Variants in PRKCA observed in about 807,000 individuals in gnomAD.
PRKCA encodes the protein protein kinase C alpha type.
A neutral mutation model predicts 87.0 loss-of-function variants in PRKCA; 27 were observed. The observed-to-expected ratio is 0.31, with a 90% CI of 0.23 to 0.43. The LOEUF is 0.43. Ranked by LOEUF, PRKCA falls within the 20% of genes least tolerant of loss-of-function variation. PRKCA has a pLI of 1.00. For missense variants in PRKCA, 518 were observed against 852.3 expected (o/e 0.61, Z 4.88); for synonymous variants, 329 against 311.1 (o/e 1.06, Z -0.61).
At chr17:66,777,232 C>T (rs754738442) in intron 14 of PRKCA, 5 of 985,398 alleles carry the variant, frequency 5.1e-6, no homozygotes, top group Middle Eastern at 5.2e-4. Flanking sequence ...TCCAGATCAG[C>T]GGCTTTGCCT....
intron 13 of PRKCA, among the ~76,000 whole-genome samples, chr17:66,772,547 T>C (rs1974958923): frequency 6.6e-6 from 1 of 151,874 alleles, no homozygotes; most frequent in Non-Finnish European, 1.5e-5. Flanking sequence ...GTAAGCGAAA[T>C]GGCAGAATGG....
rs565985575 is a variant in PRKCA at position 66,305,470 on chromosome 17, T to C, written c.174-626T>C. On this transcript the variant is annotated intron_variant, in intron 1 of 16. Coordinates refer to ENST00000413366, the MANE Select transcript of PRKCA (RefSeq NM_002737.3). ...TTACAGAGTAAATTCTCTAAAGTCA[T>C]GTACAAGAACAAAATAGCCTCCCTA... 4.6e-5 allele frequency among the ~76,000 whole-genome samples: 7 copies of C among 152,320 alleles called. No individual in the cohort carries two copies. In the South Asian group the frequency reaches 1.2e-3, roughly 27 times the overall value.
chr17:66,369,567 GA>G (rs1908970928), intron 2 of PRKCA, among the ~76,000 whole-genome samples: 1 of 152,194 alleles, frequency 6.6e-6, no homozygotes, highest in South Asian at 2.1e-4. Context: ...TGGATGCCTT[GA>G]GGTACTTATT....
At chr17:66,330,232 A>G (rs1356969234) in intron 2 of PRKCA, among the ~76,000 whole-genome samples, 1 of 151,500 alleles carries the variant, frequency 6.6e-6, no homozygotes, top group Non-Finnish European at 1.5e-5. Context: ...TAGCCTCCCA[A>G]CTAGCTGGGA....
intron 16 of PRKCA, among the ~76,000 whole-genome samples, chr17:66,789,738 G>A (rs890587434): frequency 1.1e-4 from 17 of 152,192 alleles, no homozygotes; most frequent in Admixed American, 3.9e-4. Flanking sequence ...AAACCAGGAC[G>A]AGTCTTTGTC....
intron 3 of PRKCA, among the ~76,000 whole-genome samples, chr17:66,515,652 C>A (rs1407016063): frequency 6.6e-6 from 1 of 152,066 alleles, no homozygotes; most frequent in Non-Finnish European, 1.5e-5. Context: ...AGGTGATCCT[C>A]CCCCCATCAG....
chr17:66,523,608 G>T (rs1229995082), intron 3 of PRKCA, among the ~76,000 whole-genome samples: 1 of 152,182 alleles, frequency 6.6e-6, no homozygotes, highest in Admixed American at 6.5e-5. Flanking sequence ...GCTTAGTACT[G>T]TGGGAACATG....
chr17:66,530,134 C>A (rs1967489887), intron 3 of PRKCA, among the ~76,000 whole-genome samples: 1 of 152,186 alleles, frequency 6.6e-6, no homozygotes, highest in Admixed American at 6.5e-5. Context: ...AAAGCATATC[C>A]TAGCTAGAAT....
At chr17:66,619,692 C>T (rs530095360) in intron 3 of PRKCA, among the ~76,000 whole-genome samples, 3 of 152,246 alleles carry the variant, frequency 2.0e-5, no homozygotes, top group African/African-American at 4.8e-5. Flanking sequence ...ATGTGGAAAC[C>T]GATCTCTTCT....
chr17:66,554,727 T>C (rs1968444286), intron 3 of PRKCA: 2 of 180,418 alleles, frequency 1.1e-5, no homozygotes, highest in South Asian at 3.7e-4. Context: ...CTTCCCAAGC[T>C]GTGTGTTCTG....
intron 3 of PRKCA, among the ~76,000 whole-genome samples, chr17:66,637,104 C>T (rs549985211): frequency 1.6e-4 from 24 of 152,280 alleles, no homozygotes; most frequent in African/African-American, 5.3e-4. Context: ...CACCTCCAAA[C>T]GGTGAGAACC....
intron 16 of PRKCA, among the ~76,000 whole-genome samples, chr17:66,800,687 G>C (rs1975880592): frequency 6.6e-6 from 1 of 152,234 alleles, no homozygotes; most frequent in East Asian, 1.9e-4. Flanking sequence ...AGGACTAAAA[G>C]GAAAGGGTCA....
intron 8 of PRKCA, among the ~76,000 whole-genome samples, chr17:66,691,856 C>G (rs1266765316): frequency 6.6e-6 from 1 of 152,242 alleles, no homozygotes; most frequent in African/African-American, 2.4e-5. Flanking sequence ...CTTAGCTTTG[C>G]TGCTGGAGAA....
At chr17:66,737,461 T>G (rs2144220292) in intron 10 of PRKCA, among the ~76,000 whole-genome samples, 1 of 152,374 alleles carries the variant, frequency 6.6e-6, no homozygotes, top group Middle Eastern at 3.4e-3. Context: ...ATTTAAAATA[T>G]GACTCCATAA....
chr17:66,596,596 A>G (rs1383923669), intron 3 of PRKCA, among the ~76,000 whole-genome samples: 65 of 67,168 alleles, frequency 9.7e-4, no homozygotes, highest in African/African-American at 5.1e-3. Context: ...TTTTTTTATT[A>G]TACTCTAAGT....
intron 16 of PRKCA, among the ~76,000 whole-genome samples, chr17:66,797,237 G>A (rs947488713): frequency 2.0e-5 from 3 of 152,198 alleles, no homozygotes; most frequent in African/African-American, 7.2e-5. Flanking sequence ...TGAGCAATGT[G>A]TTTGCCACAC....
chr17:66,499,119 G>A (rs566654416), intron 3 of PRKCA, among the ~76,000 whole-genome samples: 1 of 151,898 alleles, frequency 6.6e-6, no homozygotes, highest in African/African-American at 2.4e-5. Flanking sequence ...TCAGAAGTGG[G>A]GTATGTCCTA....
At position 66,716,038 on chromosome 17, in the gene PRKCA, G is replaced by T. The variant is rs1286275591; in HGVS notation, c.919-16650G>T. Among the ~76,000 whole-genome samples, 5 of 152,132 alleles carry T rather than the reference G, an allele frequency of 3.3e-5. No individual in the cohort carries two copies. In the East Asian group the frequency reaches 9.6e-4, roughly 29 times the overall value. On this transcript the variant is annotated intron_variant, in intron 8 of 16. Coordinates refer to ENST00000413366, the MANE Select transcript of PRKCA (RefSeq NM_002737.3). ...ACCTTGTGCTCCCCATTGCTTCTTG[G>T]CTTTAGAGGATCTTCAGTGTGCTGC... is the stretch of plus-strand genomic sequence containing the variant.
chr17:66,648,130 A>G (rs1027276370), intron 5 of PRKCA, among the ~76,000 whole-genome samples: 1 of 152,198 alleles, frequency 6.6e-6, no homozygotes. Context: ...CTCACATGGC[A>G]GAAGGAGGGC....
Sources: gnomAD v4.1 joint callset for allele counts (sites outside exome capture counted in the v4.1 genomes callset) on GRCh38, gnomAD v4.1.1 for gene constraint, MANE v1.5 for transcripts, NCBI Gene and HGNC (gene_info 2026-07-23, HGNC 2026-07-21) for gene names.